RNF111: variants seen among roughly 807,000 people sequenced by gnomAD.
RNF111 encodes the protein ring finger protein 111, also known as E3 ubiquitin-protein ligase Arkadia.
Under a neutral mutation model 95.1 loss-of-function variants are expected in RNF111, and 17 were observed. The ratio of observed to expected loss-of-function variants is 0.18; its 90% CI spans 0.12 to 0.27. The LOEUF is 0.27. Ranked by LOEUF, RNF111 falls within the 10% of genes least tolerant of loss-of-function variation. RNF111 has a pLI of 1.00. For synonymous variants in RNF111, 440 were observed against 414.8 expected, an observed-to-expected ratio of 1.06 and a Z score of -0.74; for missense variants, 1,189 against 1,210.4, an observed-to-expected ratio of 0.98 and a Z score of 0.26.
intron 1 of RNF111, among the ~76,000 whole-genome samples, chr15:59,007,877 T>A (rs1346090938): frequency 1.3e-5 from 2 of 152,240 alleles, no homozygotes; most frequent in South Asian, 4.1e-4. Flanking sequence ...TATTCAGTAT[T>A]CAAGTTACGT....
At position 59,096,341 on chromosome 15, in the gene RNF111, A is replaced by G. The variant is rs879177659; in HGVS notation, c.*1441A>G. ...GTCTGTATGTGGAGGACATGTTCCC[A>G]TGGATCATATGTGAAGATGTCAATA... is the stretch of plus-strand genomic sequence containing the variant. On this transcript the variant is annotated 3_prime_UTR_variant, in exon 14 of 14. Coordinates refer to ENST00000348370, the MANE Select transcript of RNF111 (RefSeq NM_017610.8). 2 of 337,022 alleles carry G rather than the reference A, an allele frequency of 5.9e-6. No individual in the cohort carries two copies. Among genetic ancestry groups the G allele is most frequent in the Admixed American group, 9.6e-5 (2 of 20,928 alleles). The allele number at this position is 337,022 out of a possible 1,614,324, so 20.9% of individuals were successfully genotyped here.
chr15:59,026,451 A>T (rs1256209573), intron 1 of RNF111, among the ~76,000 whole-genome samples: 1 of 152,210 alleles, frequency 6.6e-6, no homozygotes, highest in Non-Finnish European at 1.5e-5. Context: ...TGGTTTCAGT[A>T]TTGAAACAGT....
intron 2 of RNF111, among the ~76,000 whole-genome samples, chr15:59,046,114 A>G (rs1197871774): frequency 1.3e-5 from 2 of 152,162 alleles, no homozygotes; most frequent in Admixed American, 6.5e-5. Context: ...GTAATTTTTA[A>G]AACGTTTCTG....
At chr15:59,029,131 C>T (rs1417042353) in intron 1 of RNF111, among the ~76,000 whole-genome samples, 5 of 152,012 alleles carry the variant, frequency 3.3e-5, no homozygotes. Context: ...TAGCTTGTAT[C>T]ATTTTACATT....
chr15:59,052,035 C>G (rs1156374854), intron 2 of RNF111, among the ~76,000 whole-genome samples: 2 of 151,984 alleles, frequency 1.3e-5, no homozygotes, highest in African/African-American at 4.8e-5. Flanking sequence ...TCTTACAAAT[C>G]ATGTAGAAAC....
intron 1 of RNF111, among the ~76,000 whole-genome samples, chr15:59,009,872 C>A (rs1369320551): frequency 6.6e-6 from 1 of 152,154 alleles, no homozygotes; most frequent in African/African-American, 2.4e-5. Context: ...GGGAGGATCA[C>A]TTGAGCCCAG....
At chr15:59,012,096 G>A (rs1471132328) in intron 1 of RNF111, among the ~76,000 whole-genome samples, 1 of 126,414 alleles carries the variant, frequency 7.9e-6, no homozygotes, top group Non-Finnish European at 1.6e-5. Flanking sequence ...TTGCGTCACT[G>A]TAACCTCCGC....
At chr15:58,989,165 A>C (rs1340368906) in intron 1 of RNF111, among the ~76,000 whole-genome samples, 1 of 152,176 alleles carries the variant, frequency 6.6e-6, no homozygotes, top group Non-Finnish European at 1.5e-5. Flanking sequence ...ATCTTTTGAT[A>C]GTTTATTACT....
chr15:59,067,052 ATAG>A lies in RNF111; in HGVS notation c.1660_1662del (p.Ser555del). 3.1e-6 allele frequency: 5 copies of A among 1,613,938 alleles called. No homozygotes were observed. The highest frequency in any genetic ancestry group is 4.2e-6 in the Non-Finnish European group (5 of 1,179,966). On this transcript the variant is annotated inframe_deletion, in exon 6 of 14. Coordinates refer to ENST00000348370, the MANE Select transcript of RNF111 (RefSeq NM_017610.8). Reference sequence around the variant, plus strand: ...CAAGTACAAGCACCTTGTGGAGCAAATAGTAGTTCTGGTACCAGCTATCATGAA... The same window carrying A: ...CAAGTACAAGCACCTTGTGGAGCAAATAGTTCTGGTACCAGCTATCATGAA...
chr15:59,052,568 G>T, intron 3 of RNF111, 137 bp downstream of exon 3: 8 of 407,340 alleles, frequency 2.0e-5, no homozygotes, highest in Middle Eastern at 7.3e-4. Context: ...CAGATTAGTG[G>T]ATTTTTTTTT....
chr15:59,089,097 G>GTCA (rs2078979035), intron 10 of RNF111, among the ~76,000 whole-genome samples: 1 of 152,116 alleles, frequency 6.6e-6, no homozygotes, highest in Admixed American at 6.6e-5. Context: ...TTTGCCACCG[G>GTCA]TCATATCCAC....
chr15:59,035,428 C>T (rs1448707023), intron 2 of RNF111, among the ~76,000 whole-genome samples: 1 of 152,156 alleles, frequency 6.6e-6, no homozygotes, highest in Non-Finnish European at 1.5e-5. Context: ...GCATATGAGC[C>T]TGTAAAATTA....
chr15:58,992,441 G>T (rs931887877), intron 1 of RNF111, among the ~76,000 whole-genome samples: 22 of 152,212 alleles, frequency 1.4e-4, no homozygotes, highest in African/African-American at 5.1e-4. Flanking sequence ...CTGGATAATT[G>T]TTGGGTTGGG....
rs900103117 is a variant in RNF111 at position 59,089,823 on chromosome 15, T to C, written c.2643+64T>C. The C allele has an allele frequency of 3.2e-5, 34 of 1,066,684 alleles. No homozygotes were observed. The African/African-American group carries it at 4.0e-4, about 13-fold the overall frequency. The allele number at this position is 1,066,684 out of a possible 1,614,324, so 66.1% of individuals were successfully genotyped here. A position where few individuals can be genotyped will look rare whatever the true frequency, so the allele number is the denominator to read the frequency against. On this transcript the variant is annotated intron_variant, in intron 11 of 13. Transcript: ENST00000348370. ...CTTTAATGCAGATTGAGTATATATA[T>C]ACTACTATACACAATTGTGTAGGAC...
chr15:59,008,948 G>GTATTTTATTT (rs199771747), intron 1 of RNF111, among the ~76,000 whole-genome samples: 1 of 151,780 alleles, frequency 6.6e-6, no homozygotes, highest in Non-Finnish European at 1.5e-5. Flanking sequence ...ATATTGTCAC[G>GTATTTTATTT]TATTTTATTT....
chr15:59,044,043 G>T (rs1975534), intron 2 of RNF111, among the ~76,000 whole-genome samples: 1 of 151,644 alleles, frequency 6.6e-6, no homozygotes, highest in Admixed American at 6.6e-5. Flanking sequence ...TTTTTCTGGT[G>T]GGGGGAGACA....
At chr15:59,017,084 G>C (rs951504958) in intron 1 of RNF111, among the ~76,000 whole-genome samples, 1 of 152,002 alleles carries the variant, frequency 6.6e-6, no homozygotes, top group Admixed American at 6.6e-5. Context: ...ATATTGCAAT[G>C]CAATGATAAT....
chr15:59,042,506 T>C (rs983648463), intron 2 of RNF111, among the ~76,000 whole-genome samples: 61 of 152,228 alleles, frequency 4.0e-4, no homozygotes, highest in African/African-American at 1.5e-3. Context: ...GGAATACTTT[T>C]ACCACTCCAA....
intron 2 of RNF111, among the ~76,000 whole-genome samples, chr15:59,044,483 T>C (rs1284474050): frequency 6.6e-6 from 1 of 152,236 alleles, no homozygotes; most frequent in Non-Finnish European, 1.5e-5. Context: ...TTGAAGAGTT[T>C]ATAAAGAACT....
Sources: gnomAD v4.1 joint callset for allele counts (sites outside exome capture counted in the v4.1 genomes callset) on GRCh38, gnomAD v4.1.1 for gene constraint, MANE v1.5 for transcripts, NCBI Gene and HGNC (gene_info 2026-07-23, HGNC 2026-07-21) for gene names.